STK32B: variants seen among roughly 807,000 people sequenced by gnomAD.
The protein encoded by STK32B is serine/threonine kinase 32B.
A neutral mutation model predicts 52.6 loss-of-function variants in STK32B; 43 were observed. The ratio of observed to expected loss-of-function variants is 0.82; its 90% CI spans 0.64 to 1.05. STK32B has a LOEUF of 1.05. Ranked by LOEUF, STK32B falls within the 50% of genes least tolerant of loss-of-function variation. The pLI is 0.00. For synonymous variants in STK32B, 238 were observed against 204.3 expected, an observed-to-expected ratio of 1.17 and a Z score of -1.41; for missense variants, 621 against 534.6, an observed-to-expected ratio of 1.16 and a Z score of -1.59.
intron 3 of STK32B, among the ~76,000 whole-genome samples, chr4:5,285,982 T>C (rs1279049733): frequency 2.6e-5 from 4 of 151,936 alleles, no homozygotes; most frequent in East Asian, 1.9e-4. Flanking sequence ...GATATCCATA[T>C]AGAAAGAGGA....
intron 1 of STK32B, among the ~76,000 whole-genome samples, chr4:5,068,729 A>G (rs1411038691): frequency 2.0e-5 from 3 of 152,196 alleles, no homozygotes; most frequent in Admixed American, 2.0e-4. Context: ...TGACTTTAAT[A>G]GAATTTTTTT....
chr4:5,064,415 TA>T (rs1230617874), intron 1 of STK32B, among the ~76,000 whole-genome samples: 1 of 120,048 alleles, frequency 8.3e-6, no homozygotes, highest in Non-Finnish European at 1.7e-5. Flanking sequence ...ATATAATATA[TA>T]AATATATACT....
chr4:5,037,406 A>G, the STK32B span, among the ~76,000 whole-genome samples: 1 of 152,220 alleles, frequency 6.6e-6, no homozygotes. Flanking sequence ...TCCCCACTTT[A>G]CAAATGAAGA....
intron 3 of STK32B, among the ~76,000 whole-genome samples, chr4:5,186,236 C>T (rs1043207821): frequency 1.2e-4 from 19 of 152,130 alleles, no homozygotes; most frequent in Non-Finnish European, 2.2e-4. Flanking sequence ...GGTGCTTTCT[C>T]GCAGATCCTG....
At chr4:5,493,285 A>G (rs1031606944) in intron 11 of STK32B, among the ~76,000 whole-genome samples, 1 of 152,150 alleles carries the variant, frequency 6.6e-6, no homozygotes, top group Non-Finnish European at 1.5e-5. Flanking sequence ...CAGAGATTCA[A>G]CTTCTTCCTG....
intron 4 of STK32B, among the ~76,000 whole-genome samples, chr4:5,374,359 CTAAGA>C (rs1277813674): frequency 6.6e-6 from 1 of 152,216 alleles, no homozygotes; most frequent in East Asian, 1.9e-4. Flanking sequence ...ATGCTTTTTG[CTAAGA>C]TAAGTGTGTT....
chr4:5,414,971 A>G (rs1712036438), intron 5 of STK32B, among the ~76,000 whole-genome samples: 1 of 152,252 alleles, frequency 6.6e-6, no homozygotes, highest in Admixed American at 6.5e-5. Flanking sequence ...TCCAATGCTG[A>G]CATGTGTCAC....
At chr4:5,489,623 T>TTA (rs1577055563) in intron 11 of STK32B, among the ~76,000 whole-genome samples, 2 of 151,938 alleles carry the variant, frequency 1.3e-5, no homozygotes, top group African/African-American at 2.4e-5. Context: ...TTTTATTTAT[T>TTA]TTTTATTATT....
chr4:5,446,033 C>A (rs1380280883), intron 6 of STK32B, among the ~76,000 whole-genome samples: 1 of 152,206 alleles, frequency 6.6e-6, no homozygotes, highest in Admixed American at 6.5e-5. Flanking sequence ...GGGTTTACCC[C>A]ACCCGTTCTC....
intron 1 of STK32B, among the ~76,000 whole-genome samples, chr4:5,093,702 T>A (rs62291659): frequency 2.0e-5 from 3 of 147,990 alleles, no homozygotes; most frequent in Non-Finnish European, 3.0e-5. Context: ...CCCTAAAACT[T>A]AAAGTATAAT....
At position 5,260,078 on chromosome 4, in the gene STK32B, TACACAC is replaced by T. The variant is rs59447566; in HGVS notation, c.261-71133_261-71128del. 4.4e-3 allele frequency among the ~76,000 whole-genome samples: 663 copies of T among 151,052 alleles called. 4 individuals are homozygous for T. Among genetic ancestry groups the T allele is most frequent in the South Asian group, 0.015 (70 of 4,784 alleles). On this transcript the variant is annotated intron_variant, in intron 3 of 11. Coordinates refer to ENST00000282908, the MANE Select transcript of STK32B (RefSeq NM_018401.3). ...GAAACCATATGCAAACATACACACA[TACACAC>T]ACACACACGCACACGTGCACGCACA...
At chr4:5,044,270 C>T in the STK32B span, among the ~76,000 whole-genome samples, 9 of 152,150 alleles carry the variant, frequency 5.9e-5, no homozygotes, top group Admixed American at 6.5e-5. Flanking sequence ...CTTCTCCAAT[C>T]TCAGGGCCTT....
intron 4 of STK32B, among the ~76,000 whole-genome samples, chr4:5,337,180 G>T (rs1333376555): frequency 6.6e-6 from 1 of 151,518 alleles, no homozygotes; most frequent in Non-Finnish European, 1.5e-5. Flanking sequence ...GTAAAAACAG[G>T]GTTTCAGCAC....
At chr4:5,149,837 C>T (rs1717201808) in intron 2 of STK32B, among the ~76,000 whole-genome samples, 1 of 151,804 alleles carries the variant, frequency 6.6e-6, no homozygotes, top group South Asian at 2.1e-4. Context: ...TAAGGAAAAT[C>T]TAGGTTTCTC....
chr4:5,242,642 C>A (rs201925823), intron 3 of STK32B, among the ~76,000 whole-genome samples: 15,190 of 151,894 alleles, frequency 0.1, 1,278 homozygotes, highest in African/African-American at 0.23. Context: ...TTAGACATGA[C>A]GTCCTTGCCC....
At chr4:5,366,367 T>A (rs767194164) in intron 4 of STK32B, among the ~76,000 whole-genome samples, 1 of 152,216 alleles carries the variant, frequency 6.6e-6, no homozygotes, top group African/African-American at 2.4e-5. Context: ...GAGGAAAAAT[T>A]AAAACAGAGT....
chr4:5,231,396 A>G (rs1724257731), intron 3 of STK32B, among the ~76,000 whole-genome samples: 1 of 152,208 alleles, frequency 6.6e-6, no homozygotes, highest in Non-Finnish European at 1.5e-5. Context: ...AGATCGCTTG[A>G]GGCCAGGAGT....
At chr4:5,129,176 C>T (rs892415232) in intron 1 of STK32B, among the ~76,000 whole-genome samples, 2 of 152,178 alleles carry the variant, frequency 1.3e-5, no homozygotes, top group Non-Finnish European at 2.9e-5. Flanking sequence ...TTACAAGTAA[C>T]TCCAATCCAC....
Position 5,173,463 on chromosome 4 carries a change from A to G in STK32B, c.260+5013A>G, listed in dbSNP as rs1719562916. Among the ~76,000 whole-genome samples the G allele has an allele frequency of 2.6e-5, 4 of 151,982 alleles. No homozygotes were observed. The South Asian group carries it at 8.3e-4, about 32-fold the overall frequency. ...TTTAGTGCTATAAATTTGCCTCTAC[A>G]CACTGCTTTGAATGTGTCCCAGAGA... On this transcript the variant is annotated intron_variant, in intron 3 of 11. Transcript: ENST00000282908.
Sources: allele counts gnomAD v4.1 joint callset (sites outside exome capture counted in the v4.1 genomes callset), GRCh38; gene constraint gnomAD v4.1.1; transcripts MANE v1.5; gene names NCBI Gene and HGNC (gene_info 2026-07-23, HGNC 2026-07-21).